Variants in FRMPD4 observed in about 807,000 individuals in gnomAD.
FRMPD4 encodes the protein FERM and PDZ domain containing 4.
In FRMPD4, 22 loss-of-function variants were observed where a neutral mutation model predicts 94.1. The observed-to-expected ratio is 0.23, with a 90% CI of 0.17 to 0.33. The LOEUF (loss-of-function observed/expected upper bound fraction) is 0.33. Ranked by LOEUF, FRMPD4 falls within the 10% of genes least tolerant of loss-of-function variation. The pLI is 1.00. For missense variants in FRMPD4, 1,111 were observed against 1,339.9 expected, an observed-to-expected ratio of 0.83 and a Z score of 2.67; for synonymous variants, 631 against 548.6, an observed-to-expected ratio of 1.15 and a Z score of -2.10.
At chrX:11,971,481 A>G (rs1024406817) in intron 3 of FRMPD4, among the ~76,000 whole-genome samples, 4 of 112,950 alleles carry the variant, frequency 3.5e-5, no homozygotes, top group Non-Finnish European at 5.6e-5. Context: ...TTAATCATTT[A>G]TATCCTAGCA....
chrX:12,590,062 GTTTA>G (rs1370212089), intron 2 of FRMPD4, among the ~76,000 whole-genome samples: 2 of 111,967 alleles, frequency 1.8e-5, no homozygotes, highest in Non-Finnish European at 3.8e-5. Flanking sequence ...AACTGCAAAG[GTTTA>G]TTTATCTGCT....
intron 1 of FRMPD4, among the ~76,000 whole-genome samples, chrX:12,342,085 A>G (rs1483386801): frequency 8.9e-6 from 1 of 112,174 alleles, no homozygotes; most frequent in Non-Finnish European, 1.9e-5. Flanking sequence ...TGCTCTAACT[A>G]CTAAAGCAGA....
At chrX:12,664,399 G>C (rs2059752664) in intron 4 of FRMPD4, among the ~76,000 whole-genome samples, 1 of 112,079 alleles carries the variant, frequency 8.9e-6, no homozygotes, top group African/African-American at 3.2e-5. Context: ...TTTATTGAGA[G>C]TTTTTAGCAT....
At chrX:12,587,304 T>C (rs973574621) in intron 2 of FRMPD4, among the ~76,000 whole-genome samples, 2 of 112,147 alleles carry the variant, frequency 1.8e-5, no homozygotes, top group African/African-American at 3.2e-5. Flanking sequence ...TGGTAAAATA[T>C]ACATAACCTA....
At chrX:12,566,421 C>T (rs1259878377) in intron 2 of FRMPD4, among the ~76,000 whole-genome samples, 1 of 111,310 alleles carries the variant, frequency 9.0e-6, no homozygotes, top group East Asian at 2.8e-4. Flanking sequence ...ATGTTACCAC[C>T]ATGACTGCCC....
At chrX:12,390,528 G>C (rs776540668) in intron 1 of FRMPD4, among the ~76,000 whole-genome samples, 2 of 111,124 alleles carry the variant, frequency 1.8e-5, no homozygotes, top group African/African-American at 3.3e-5. Flanking sequence ...TTCACTGTGA[G>C]TCATTTTCTC....
intron 1 of FRMPD4, among the ~76,000 whole-genome samples, chrX:12,164,041 A>AG (rs1352087681): frequency 9.2e-6 from 1 of 108,952 alleles, no homozygotes; most frequent in East Asian, 2.9e-4. Context: ...TTTGCCCCTT[A>AG]GTTTTTTTTT....
intron 1 of FRMPD4, among the ~76,000 whole-genome samples, chrX:11,841,940 G>A (rs1444066438): frequency 9.0e-6 from 1 of 111,063 alleles, no homozygotes; most frequent in Non-Finnish European, 1.9e-5. Context: ...TGTAAGGAGG[G>A]GATCCAGTTT....
chrX:12,331,741 T>A lies in FRMPD4; in HGVS notation c.42-166939T>A, dbSNP rs57545325. Among the ~76,000 whole-genome samples the A allele has an allele frequency of 1.7e-3, 100 of 59,162 alleles. 3 individuals carry two copies. The highest frequency in any genetic ancestry group is 0.012 in the Admixed American group (45 of 3,661). The allele number at this position is 59,162 out of a possible 115,157, so 51.4% of individuals were successfully genotyped here. On this transcript the variant is annotated intron_variant, in intron 1 of 16. Coordinates refer to ENST00000675598, the MANE Select transcript of FRMPD4 (RefSeq NM_001368397.1). ...TTATATATAGTATATAAATATATAA[T>A]TTATATATTTATATACTATATATAA...
chrX:12,435,653 T>G (rs4614195), intron 1 of FRMPD4, among the ~76,000 whole-genome samples: 19,103 of 111,395 alleles, frequency 0.17, 2,511 homozygotes, highest in African/African-American at 0.45. Context: ...TAAATAAGTT[T>G]GGCCTTATTT....
chrX:11,887,983 A>T (rs2053855164), intron 3 of FRMPD4, among the ~76,000 whole-genome samples: 1 of 112,548 alleles, frequency 8.9e-6, no homozygotes, highest in Non-Finnish European at 1.9e-5. Flanking sequence ...CAGTTAAAAC[A>T]TTATTTGTAA....
intron 12 of FRMPD4, 68 bp from the exon 13 acceptor site, chrX:12,707,401 C>G: frequency 1.2e-6 from 1 of 808,557 alleles, no homozygotes; most frequent in Non-Finnish European, 1.8e-6. Context: ...AAAATAGGAT[C>G]ATAGGTTCAA....
intron 2 of FRMPD4, among the ~76,000 whole-genome samples, chrX:12,547,023 A>G (rs1207630546): frequency 9.5e-6 from 1 of 105,735 alleles, no homozygotes; most frequent in Non-Finnish European, 2.0e-5. Flanking sequence ...AAAAAAAAAA[A>G]AAAAAAAAAA....
At chrX:12,310,808 A>T (rs984124540) in intron 1 of FRMPD4, among the ~76,000 whole-genome samples, 1 of 111,740 alleles carries the variant, frequency 8.9e-6, no homozygotes, top group Non-Finnish European at 1.9e-5. Flanking sequence ...TTTCCACCCT[A>T]TTTCTGCTGG....
intron 3 of FRMPD4, among the ~76,000 whole-genome samples, chrX:11,898,066 G>A (rs748026564): frequency 9.0e-6 from 1 of 111,686 alleles, no homozygotes; most frequent in South Asian, 3.8e-4. Flanking sequence ...AAGGCCTCAT[G>A]TAGGAGCAGT....
chrX:11,978,631 A>G (rs929845009), intron 3 of FRMPD4, among the ~76,000 whole-genome samples: 1 of 112,133 alleles, frequency 8.9e-6, no homozygotes, highest in Non-Finnish European at 1.9e-5. Flanking sequence ...TGAAATGGTT[A>G]TTATGAGCAC....
chrX:12,156,406 G>A (rs746585321), intron 1 of FRMPD4, among the ~76,000 whole-genome samples: 18 of 111,768 alleles, frequency 1.6e-4, no homozygotes, highest in Non-Finnish European at 3.0e-4. Context: ...GCAACCAAGA[G>A]CGCTGGCTCT....
intron 1 of FRMPD4, among the ~76,000 whole-genome samples, chrX:11,829,450 C>T (rs2053462698): frequency 8.9e-6 from 1 of 111,929 alleles, no homozygotes; most frequent in African/African-American, 3.2e-5. Context: ...GTTTAACTAA[C>T]TGTTGGATAC....
At chrX:12,655,425 AC>A (rs2059643389) in intron 4 of FRMPD4, among the ~76,000 whole-genome samples, 1 of 110,727 alleles carries the variant, frequency 9.0e-6, no homozygotes, top group Non-Finnish European at 1.9e-5. Flanking sequence ...AACATTTTAG[AC>A]GAGGATCCTC....
Sources: gnomAD v4.1 joint callset for allele counts (sites outside exome capture counted in the v4.1 genomes callset) on GRCh38, gnomAD v4.1.1 for gene constraint, MANE v1.5 for transcripts, NCBI Gene and HGNC (gene_info 2026-07-23, HGNC 2026-07-21) for gene names.